The following ADCY1 variants were observed in gnomAD, a reference collection of about 807,000 sequenced individuals.
The protein encoded by ADCY1 is adenylate cyclase 1.
In ADCY1, 28 loss-of-function variants were observed where a neutral mutation model predicts 105.4. That is an observed-to-expected ratio of 0.27 (90% CI 0.20 to 0.36). ADCY1 has a LOEUF of 0.36. ADCY1 is among the 10% of genes least tolerant of loss of function. ADCY1 has a pLI of 1.00. For missense variants in ADCY1, 977 were observed against 1,434.2 expected (o/e 0.68, Z 5.15); for synonymous variants, 655 against 623.8 (o/e 1.05, Z -0.75).
chr7:45,718,546 C>T lies in ADCY1; in HGVS notation c.*4551C>T, dbSNP rs1003098795. 6.6e-6 allele frequency: 1 copy of T among 152,264 alleles called. No individual in the cohort carries two copies. The highest frequency in any genetic ancestry group is 2.4e-5 in the African/African-American group (1 of 41,452). 9.4% of individuals were successfully genotyped at this position (152,264 alleles called of 1,614,324 possible). A position where few individuals can be genotyped will look rare whatever the true frequency, so the allele number is the denominator to read the frequency against. ...GTCTTATTCGAGGAACTCACATACC[C>T]CAAATAACCATCAGTGCACAAATCA... On this transcript the variant is annotated 3_prime_UTR_variant, in exon 20 of 20. Coordinates refer to ENST00000297323, the MANE Select transcript of ADCY1 (RefSeq NM_021116.4).
At position 45,721,461 on chromosome 7, in the gene ADCY1, T is replaced by C. The variant is rs1209183385; in HGVS notation, c.*7466T>C. The stretch of plus-strand genomic sequence containing the variant: ...ATCTCCTTAAGAGCTGTTGCCTTAT[T>C]TTTTTGTAAAGCCTCTCTGACATCA... On this transcript the variant is annotated 3_prime_UTR_variant, in exon 20 of 20. Coordinates refer to ENST00000297323, the MANE Select transcript of ADCY1 (RefSeq NM_021116.4). The C allele has an allele frequency of 2.6e-6, 1 of 390,416 alleles. No individual in the cohort carries two copies. Among genetic ancestry groups the C allele is most frequent in the Non-Finnish European group, 4.5e-6 (1 of 221,566 alleles). 24.2% of individuals were successfully genotyped at this position (390,416 alleles called of 1,614,324 possible).
At chr7:45,606,795 A>G (rs1434793933) in intron 2 of ADCY1, among the ~76,000 whole-genome samples, 1 of 152,208 alleles carries the variant, frequency 6.6e-6, no homozygotes, top group African/African-American at 2.4e-5. Flanking sequence ...TATAGCCTTT[A>G]TAGGACACTG....
In ADCY1 at chr7:45,708,240, C is replaced by T. The variant is rs775663420; in HGVS notation, c.2818-110C>T. 9 of 696,024 alleles carry T rather than the reference C, an allele frequency of 1.3e-5. No individual in the cohort carries two copies. Among genetic ancestry groups the T allele is most frequent in the Non-Finnish European group, 2.3e-5 (9 of 387,262 alleles). The allele number at this position is 696,024 out of a possible 1,614,324, so 43.1% of individuals were successfully genotyped here. A position where few individuals can be genotyped will look rare whatever the true frequency, so the allele number is the denominator to read the frequency against. ...TGATAAATGTGCCTATAGCCAGGCACTCAGAGTGCCTTCCTCTGAAAGTGC... is the reference window on the plus strand; with the variant it reads ...TGATAAATGTGCCTATAGCCAGGCATTCAGAGTGCCTTCCTCTGAAAGTGC... On this transcript the variant is annotated intron_variant, in intron 17 of 19. Coordinates refer to ENST00000297323, the MANE Select transcript of ADCY1 (RefSeq NM_021116.4). The surrounding 1 kb of genome is among the most constrained non-coding windows in gnomAD (Gnocchi z 4.7).
chr7:45,698,997 CT>C (rs1371347358), intron 14 of ADCY1, among the ~76,000 whole-genome samples: 9 of 152,220 alleles, frequency 5.9e-5, no homozygotes, highest in African/African-American at 1.9e-4. Context: ...AAAATACAGT[CT>C]TTTGAGCATA....
intron 8 of ADCY1, among the ~76,000 whole-genome samples, chr7:45,667,385 A>G (rs540500498): frequency 6.6e-6 from 1 of 152,338 alleles, no homozygotes; most frequent in South Asian, 2.1e-4. Context: ...TTAAATAGGG[A>G]ATCCTTTCCC....
At chr7:45,607,514 T>A (rs1438239123) in intron 2 of ADCY1, among the ~76,000 whole-genome samples, 1 of 152,202 alleles carries the variant, frequency 6.6e-6, no homozygotes, top group Non-Finnish European at 1.5e-5. Context: ...TGTGTGATAC[T>A]CAGGTTTGAG....
At position 45,703,719 on chromosome 7, in the gene ADCY1, C is replaced by G; in HGVS notation, c.2691C>G (p.Leu897=). The stretch of plus-strand genomic sequence containing the variant: ...TGGGGGTGGAGTGTCTGCGGCTTCT[C>G]AACGAGATCATCGCCGACTTTGACG... The part of the protein sequence containing the change: ...NNMGVECLRL[L]NEIIADFDEL... Residue 897 remains leucine (L), a synonymous_variant, in exon 16 of 20, where the codon CTC becomes CTG. Coordinates refer to ENST00000297323, the MANE Select transcript of ADCY1 (RefSeq NM_021116.4). This position sits in a 1 kb window ranked among gnomAD's most constrained non-coding sequence, Gnocchi z 5.9. 6.3e-7 allele frequency: 1 copy of G among 1,594,100 alleles called. No individual in the cohort carries two copies. The highest frequency in any genetic ancestry group is 1.1e-5 in the South Asian group (1 of 87,704).
Position 45,647,006 on chromosome 7 carries a change from C to G in ADCY1, c.1021-1664C>G, listed in dbSNP as rs891602546. ...TCACCTCCTCCCCTTTTCTCCCGTC[C>G]ATGGTCTTGGAGTGCTGAGGGAGGC... On this transcript the variant is annotated intron_variant, in intron 4 of 19. Transcript: ENST00000297323. This position sits in a 1 kb window ranked among gnomAD's most constrained non-coding sequence, Gnocchi z 4.6. Among the ~76,000 whole-genome samples, 14 of 152,228 alleles carry G rather than the reference C, an allele frequency of 9.2e-5. No individual in the cohort carries two copies. Among genetic ancestry groups the G allele is most frequent in the Non-Finnish European group, 2.9e-5 (2 of 68,046 alleles).
At chr7:45,595,813 C>T (rs1004264315) in intron 2 of ADCY1, among the ~76,000 whole-genome samples, 7 of 152,232 alleles carry the variant, frequency 4.6e-5, no homozygotes, top group African/African-American at 1.7e-4. Flanking sequence ...CAAGTATATC[C>T]TCAGACCTCA....
intron 4 of ADCY1, among the ~76,000 whole-genome samples, chr7:45,641,970 G>C (rs1044974945): frequency 6.9e-6 from 1 of 145,178 alleles, no homozygotes; most frequent in Non-Finnish European, 1.5e-5. Context: ...TGGCTGATTT[G>C]TTCCAACCAG....
chr7:45,583,506 G>A (rs1441268021), intron 1 of ADCY1, among the ~76,000 whole-genome samples: 1 of 152,204 alleles, frequency 6.6e-6, no homozygotes, highest in Non-Finnish European at 1.5e-5. Context: ...GTGTTTCCTT[G>A]TTTCCTTCTC....
intron 4 of ADCY1, among the ~76,000 whole-genome samples, chr7:45,646,213 G>T (rs1211237582): frequency 6.6e-6 from 1 of 152,126 alleles, no homozygotes; most frequent in Non-Finnish European, 1.5e-5. Context: ...GGGCCTGGAG[G>T]CTCTGGTGAG....
rs528366989 is a variant in ADCY1 at position 45,689,881 on chromosome 7, G to A, written c.2454+3208G>A. Among the ~76,000 whole-genome samples the A allele has an allele frequency of 2.6e-5, 4 of 152,326 alleles. No individual in the cohort carries two copies. The South Asian group carries it at 8.3e-4, about 32-fold the overall frequency. On this transcript the variant is annotated intron_variant, in intron 14 of 19. Coordinates refer to ENST00000297323, the MANE Select transcript of ADCY1 (RefSeq NM_021116.4). The stretch of plus-strand genomic sequence containing the variant: ...ATGAGGGATGGGGTTGAGGGGAAAG[G>A]GACGAGGAACATGGCAGAAAGAGGG...
intron 4 of ADCY1, among the ~76,000 whole-genome samples, chr7:45,624,728 G>A (rs1794003467): frequency 1.3e-5 from 2 of 152,120 alleles, no homozygotes; most frequent in Admixed American, 6.5e-5. Context: ...GGACTGTGCA[G>A]CCAGTATTGT....
At chr7:45,698,086 A>G (rs1428962773) in intron 14 of ADCY1, among the ~76,000 whole-genome samples, 2 of 152,130 alleles carry the variant, frequency 1.3e-5, no homozygotes, top group African/African-American at 2.4e-5. Context: ...TGGAAAGAGA[A>G]ATACAACAAG....
intron 11 of ADCY1, among the ~76,000 whole-genome samples, chr7:45,683,752 C>A (rs954651832): frequency 6.6e-6 from 1 of 152,178 alleles, no homozygotes; most frequent in Non-Finnish European, 1.5e-5. Flanking sequence ...TCAGGTCATG[C>A]GGTAACTTGG....
At position 45,718,986 on chromosome 7, in the gene ADCY1, A is replaced by C. The variant is rs1290576953; in HGVS notation, c.*4991A>C. The stretch of plus-strand genomic sequence containing the variant: ...CCTGCCGTTGGGGAATGAATGCCAC[A>C]CGGGGTTTGTCTGTAAGCTGCAGTG... On this transcript the variant is annotated 3_prime_UTR_variant, in exon 20 of 20. Coordinates refer to ENST00000297323, the MANE Select transcript of ADCY1 (RefSeq NM_021116.4). 2 of 152,848 alleles carry C rather than the reference A, an allele frequency of 1.3e-5. No homozygotes were observed. Among genetic ancestry groups the C allele is most frequent in the Admixed American group, 6.5e-5 (1 of 15,292 alleles). 9.5% of individuals were successfully genotyped at this position (152,848 alleles called of 1,614,324 possible). A position where few individuals can be genotyped will look rare whatever the true frequency, so the allele number is the denominator to read the frequency against.
At chr7:45,663,835 AAG>A (rs1001199119) in intron 8 of ADCY1, among the ~76,000 whole-genome samples, 11 of 152,024 alleles carry the variant, frequency 7.2e-5, no homozygotes, top group African/African-American at 2.4e-4. Context: ...AAAAAAGAAA[AAG>A]AAAATTATTC....
chr7:45,608,819 G>T (rs1364031511), intron 2 of ADCY1, among the ~76,000 whole-genome samples: 2 of 152,148 alleles, frequency 1.3e-5, no homozygotes, highest in South Asian at 2.1e-4. Context: ...GGGGGCTATA[G>T]TGAGGGCTCG....
Sources: gnomAD v4.1 joint callset for allele counts (sites outside exome capture counted in the v4.1 genomes callset) on GRCh38, gnomAD v4.1.1 for gene constraint, Gnocchi (gnomAD v3.1) non-coding constraint, MANE v1.5 for transcripts, NCBI Gene and HGNC (gene_info 2026-07-23, HGNC 2026-07-21) for gene names.